The following ADGRL4 variants were observed in gnomAD, a reference collection of about 807,000 sequenced individuals.
The protein encoded by ADGRL4 is EGF, latrophilin and seven transmembrane domain containing 1.
ADGRL4 carries 90 observed loss-of-function variants against 74.8 expected under a neutral mutation model. The observed-to-expected ratio is 1.20, with a 90% CI of 1.02 to 1.43. The LOEUF (loss-of-function observed/expected upper bound fraction) is 1.43, where lower values mean the gene tolerates loss of function less well. Ranked by LOEUF, ADGRL4 falls within the 40% of genes most tolerant of loss-of-function variation. The pLI is 0.00. For synonymous variants in ADGRL4, 311 were observed against 279.2 expected, an observed-to-expected ratio of 1.11 and a Z score of -1.14; for missense variants, 881 against 814.3, an observed-to-expected ratio of 1.08 and a Z score of -1.00.
chr1:78,918,173 A>G (rs1008786266), intron 10 of ADGRL4, 123 bp from the exon 11 acceptor site: 5 of 699,776 alleles, frequency 7.1e-6, no homozygotes, highest in African/African-American at 5.4e-5. Context: ...GCCACTTTAT[A>G]TAATGATTAG....
intron 2 of ADGRL4, among the ~76,000 whole-genome samples, chr1:78,998,910 C>G (rs1360578): frequency 0.73 from 110,514 of 152,056 alleles, 40,315 homozygotes; most frequent in East Asian, 0.82. Context: ...CTTCAGAGAA[C>G]TATTGTGAGA....
In ADGRL4 at chr1:78,939,178, T is replaced by C; in HGVS notation, c.396+10A>G. 1 of 1,555,540 alleles carries C rather than the reference T, an allele frequency of 6.4e-7. No individual in the cohort carries two copies. Among genetic ancestry groups the C allele is most frequent in the Non-Finnish European group, 8.7e-7 (1 of 1,155,390 alleles). Reference sequence around the variant, plus strand: ...TCAAAATAAAATAAATTGTTAACTGTTCTACTTACTTTTGTTAAAGTTTTA... The same window carrying C: ...TCAAAATAAAATAAATTGTTAACTGCTCTACTTACTTTTGTTAAAGTTTTA... On this transcript the variant is annotated intron_variant, in intron 4 of 14. Coordinates refer to ENST00000370742, the MANE Select transcript of ADGRL4 (RefSeq NM_022159.4).
chr1:78,931,995 C>T (rs560398600), intron 7 of ADGRL4, among the ~76,000 whole-genome samples: 2 of 151,496 alleles, frequency 1.3e-5, no homozygotes, highest in East Asian at 3.9e-4. Context: ...CTTTGACGCC[C>T]CACTGTCCAT....
intron 2 of ADGRL4, among the ~76,000 whole-genome samples, chr1:78,969,702 TG>T (rs996341449): frequency 2.5e-5 from 3 of 120,954 alleles, no homozygotes; most frequent in Admixed American, 1.6e-4. Context: ...GATGATGATT[TG>T]TGGGTTTTTT....
intron 2 of ADGRL4, among the ~76,000 whole-genome samples, chr1:78,952,882 A>T (rs539686448): frequency 6.6e-6 from 1 of 152,288 alleles, no homozygotes; most frequent in South Asian, 2.1e-4. Flanking sequence ...ACTATGAGTC[A>T]GACTTTGAAA....
chr1:78,932,446 C>G (rs770413174), intron 7 of ADGRL4, among the ~76,000 whole-genome samples: 1 of 151,210 alleles, frequency 6.6e-6, no homozygotes, highest in Non-Finnish European at 1.5e-5. Flanking sequence ...AAATTTATAG[C>G]ACTAAATGCC....
At chr1:78,902,374 T>G (rs528769921) in intron 12 of ADGRL4, among the ~76,000 whole-genome samples, 2 of 152,320 alleles carry the variant, frequency 1.3e-5, no homozygotes, top group South Asian at 2.1e-4. Flanking sequence ...GGATAAGCAT[T>G]CTTTGCCTTA....
intron 8 of ADGRL4, among the ~76,000 whole-genome samples, chr1:78,925,884 T>C (rs1295797448): frequency 6.6e-6 from 1 of 152,076 alleles, no homozygotes; most frequent in Non-Finnish European, 1.5e-5. Flanking sequence ...GAACAGTGTT[T>C]GGTTTCTAGT....
intron 2 of ADGRL4, among the ~76,000 whole-genome samples, chr1:78,973,021 T>C (rs920151051): frequency 1.3e-5 from 2 of 152,348 alleles, no homozygotes; most frequent in East Asian, 3.9e-4. Flanking sequence ...AGACAGGTGG[T>C]ACCCTTAGGC....
intron 2 of ADGRL4, among the ~76,000 whole-genome samples, chr1:78,964,338 C>A (rs1650013728): frequency 6.6e-6 from 1 of 152,116 alleles, no homozygotes; most frequent in Non-Finnish European, 1.5e-5. Context: ...CCTTTTATGA[C>A]AAGCACTGAA....
In ADGRL4 at chr1:78,927,038, A is replaced by G. The variant is rs1486485611; in HGVS notation, c.931T>C (p.Ser311Pro). ...YYKSIGPLLS[S>P]SDNFLLKPQN... ...GGTTTCAATAAGAAGTTGTCAGATG[A>G]TGAAAGCAAAGGACCAATACTCTTA... The change falls in exon 8 of 15, where the codon TCA (serine) becomes CCA (proline). Residue 311 changes from serine (S) to proline (P), a missense_variant. Ser to Pro is a moderately conservative substitution (Grantham distance 74). Transcript: ENST00000370742. The G allele has an allele frequency of 1.2e-6, 2 of 1,609,260 alleles. No homozygotes were observed. The highest frequency in any genetic ancestry group is 3.3e-5 in the Admixed American group (2 of 59,908).
intron 2 of ADGRL4, among the ~76,000 whole-genome samples, chr1:78,982,029 G>A (rs573578442): frequency 6.6e-6 from 1 of 151,768 alleles, no homozygotes; most frequent in African/African-American, 2.4e-5. Flanking sequence ...ATACATGTTG[G>A]TAGTTCGCTT....
intron 7 of ADGRL4, among the ~76,000 whole-genome samples, chr1:78,932,556 C>T (rs1025043977): frequency 1.6e-5 from 2 of 124,892 alleles, no homozygotes; most frequent in Non-Finnish European, 3.2e-5. Flanking sequence ...TAGCAGAAGG[C>T]AAGAAATAAC....
At chr1:78,891,414 A>C in intron 14 of ADGRL4, 110 bp downstream of exon 14, 7 of 1,284,390 alleles carry the variant, frequency 5.5e-6, no homozygotes, top group Non-Finnish European at 7.4e-6. Context: ...TAGGCGATTT[A>C]GGCAATAAAG....
chr1:78,896,549 C>T (rs910346375), intron 12 of ADGRL4, among the ~76,000 whole-genome samples: 7 of 152,070 alleles, frequency 4.6e-5, no homozygotes, highest in African/African-American at 1.7e-4. Flanking sequence ...ACCTTCAAAA[C>T]ATGTTCAGAA....
intron 3 of ADGRL4, among the ~76,000 whole-genome samples, chr1:78,943,350 T>C (rs1649530909): frequency 6.6e-6 from 1 of 152,192 alleles, no homozygotes; most frequent in Non-Finnish European, 1.5e-5. Flanking sequence ...AATTCTTGTG[T>C]GTAACTAGGT....
chr1:78,906,951 T>A (rs568358220), intron 12 of ADGRL4, among the ~76,000 whole-genome samples: 62 of 152,130 alleles, frequency 4.1e-4, no homozygotes, highest in African/African-American at 1.3e-3. Flanking sequence ...ATAATTTGCT[T>A]TTAGTTTTTA....
chr1:78,938,033 C>A, intron 5 of ADGRL4, 43 bp from the exon 6 acceptor site: 19 of 1,604,576 alleles, frequency 1.2e-5, no homozygotes, highest in Non-Finnish European at 1.4e-5. Context: ...TGGAATCCTA[C>A]ACTATTCACA....
intron 12 of ADGRL4, among the ~76,000 whole-genome samples, chr1:78,908,772 T>A (rs926607717): frequency 3.9e-5 from 6 of 151,978 alleles, no homozygotes; most frequent in Admixed American, 3.3e-4. Flanking sequence ...TATTTCCAAC[T>A]GGGCTTTAGA....
Sources: gnomAD v4.1 joint callset for allele counts (sites outside exome capture counted in the v4.1 genomes callset) on GRCh38, gnomAD v4.1.1 for gene constraint, MANE v1.5 for transcripts, NCBI Gene and HGNC (gene_info 2026-07-23, HGNC 2026-07-21) for gene names.